LRCH2: variants seen among roughly 807,000 people sequenced by gnomAD.
The protein encoded by LRCH2 is leucine rich repeats and calponin homology domain containing 2.
LRCH2 carries 38 observed loss-of-function variants against 68.9 expected under a neutral mutation model. The ratio of observed to expected loss-of-function variants is 0.55; its 90% CI spans 0.43 to 0.72. The LOEUF is 0.72. Ranked by LOEUF, LRCH2 falls within the 30% of genes least tolerant of loss-of-function variation. The pLI is 0.00. For missense variants in LRCH2, 528 were observed against 572.9 expected (o/e 0.92, Z 0.80); for synonymous variants, 191 against 208.1 (o/e 0.92, Z 0.71).
intron 14 of LRCH2, among the ~76,000 whole-genome samples, chrX:115,139,958 G>A (rs1265385815): frequency 1.8e-5 from 2 of 111,416 alleles, no homozygotes; most frequent in East Asian, 5.7e-4. Context: ...GCAACTCCTA[G>A]TGCTGTGCTA....
chrX:115,192,462 G>A, intron 1 of LRCH2: 11 of 1,169,946 alleles, frequency 9.4e-6, no homozygotes, highest in Non-Finnish European at 1.3e-5. Flanking sequence ...GTTACGGCCG[G>A]AGCGACCGCT....
chrX:115,170,237 G>A (rs985132864), intron 6 of LRCH2, 62 bp downstream of exon 6: 205 of 1,040,261 alleles, frequency 2.0e-4, no homozygotes, highest in South Asian at 7.8e-4. Flanking sequence ...AGATTAATAA[G>A]TATATTTCAT....
At chrX:115,141,738 G>A (rs1461041771) in intron 14 of LRCH2, among the ~76,000 whole-genome samples, 1 of 108,627 alleles carries the variant, frequency 9.2e-6, no homozygotes, top group Non-Finnish European at 1.9e-5. Context: ...GCTGGGCATG[G>A]TGGTACATGC....
intron 5 of LRCH2, among the ~76,000 whole-genome samples, chrX:115,173,101 T>C (rs1304884341): frequency 1.4e-4 from 16 of 111,530 alleles, no homozygotes; most frequent in Non-Finnish European, 2.3e-4. Flanking sequence ...CTCCTATGAA[T>C]ATGCTCCATT....
At position 115,163,683 on chromosome X, in the gene LRCH2, T is replaced by G. The variant is rs1315645277; in HGVS notation, c.1456A>C (p.Lys486Gln). The G allele has an allele frequency of 2.5e-6, 3 of 1,184,122 alleles. No homozygotes were observed. The highest frequency in any genetic ancestry group is 3.4e-6 in the Non-Finnish European group (3 of 878,036). ...IAAQLLQQEQ[K>Q]NRILNHSTSV... is the part of the protein sequence containing the mutation. Reference sequence around the variant, plus strand: ...CATTACTGAAAGGAATACCTGTTCTTCTGTTCTTGCTGCAATAACTGAGCA... The same window carrying G: ...CATTACTGAAAGGAATACCTGTTCTGCTGTTCTTGCTGCAATAACTGAGCA... Residue 486 changes from lysine to glutamine, a missense_variant, in exon 11 of 21, where the codon AAG (lysine) becomes CAG (glutamine). Transcript: ENST00000317135.
At chrX:115,192,048 C>A in intron 1 of LRCH2, 1 of 1,156,699 alleles carries the variant, frequency 8.6e-7, no homozygotes, top group Non-Finnish European at 1.2e-6. Context: ...GCCGCTCGCA[C>A]GACACCCACA....
rs185880098 is a variant in LRCH2, at chrX:115,146,233, T to C, written c.1695+3594A>G. Among the ~76,000 whole-genome samples the C allele has an allele frequency of 1.6e-3, 178 of 110,896 alleles. 2 individuals are homozygous for C. The highest frequency in any genetic ancestry group is 3.6e-3 in the Admixed American group (37 of 10,343). On this transcript the variant is annotated intron_variant, in intron 14 of 20. Coordinates refer to ENST00000317135, the MANE Select transcript of LRCH2 (RefSeq NM_020871.4). Reference sequence around the variant, plus strand: ...ACTTATTTGTAGGATGTAAAAACAATTGAACTCATAAAGATAGAGAGTAGA... The same window carrying C: ...ACTTATTTGTAGGATGTAAAAACAACTGAACTCATAAAGATAGAGAGTAGA...
intron 1 of LRCH2, among the ~76,000 whole-genome samples, chrX:115,196,208 T>A (rs1017391623): frequency 9.0e-6 from 1 of 111,323 alleles, no homozygotes; most frequent in Non-Finnish European, 1.9e-5. Context: ...CTGGCTTCTA[T>A]GGCTCATGGC....
At chrX:115,225,320 T>C (rs2073111671) in intron 1 of LRCH2, among the ~76,000 whole-genome samples, 2 of 111,178 alleles carry the variant, frequency 1.8e-5, no homozygotes, top group South Asian at 7.7e-4. Context: ...AGTGCAAAAC[T>C]TCTGCTTCTG....
intron 14 of LRCH2, among the ~76,000 whole-genome samples, chrX:115,135,179 T>TGTCGTG (rs1299896260): frequency 2.4e-4 from 25 of 103,758 alleles, no homozygotes; most frequent in African/African-American, 8.5e-4. Flanking sequence ...TGGAGTGCAG[T>TGTCGTG]GTCGTGATCT....
chrX:115,220,591 A>G (rs1462938040), intron 1 of LRCH2, among the ~76,000 whole-genome samples: 1 of 111,746 alleles, frequency 8.9e-6, no homozygotes, highest in African/African-American at 3.3e-5. Flanking sequence ...AAGACATGCT[A>G]AAACACAATT....
chrX:115,147,855 CA>C (rs1485230323), intron 14 of LRCH2, among the ~76,000 whole-genome samples: 1 of 110,287 alleles, frequency 9.1e-6, no homozygotes, highest in Non-Finnish European at 1.9e-5. Context: ...AATTTGAGAC[CA>C]GCCTGGGCAA....
chrX:115,222,609 C>A (rs2073092651), intron 1 of LRCH2, among the ~76,000 whole-genome samples: 2 of 111,698 alleles, frequency 1.8e-5, no homozygotes, highest in African/African-American at 6.5e-5. Flanking sequence ...AATGAACAAT[C>A]CAAAAACTAA....
intron 15 of LRCH2, among the ~76,000 whole-genome samples, chrX:115,128,092 G>A (rs987137894): frequency 9.8e-5 from 11 of 112,121 alleles, no homozygotes; most frequent in African/African-American, 3.6e-4. Context: ...AGAAATGGAC[G>A]AGGGCCTCTG....
At chrX:115,197,975 G>C (rs1556564359) in intron 1 of LRCH2, among the ~76,000 whole-genome samples, 1 of 101,029 alleles carries the variant, frequency 9.9e-6, no homozygotes, top group Non-Finnish European at 2.0e-5. Flanking sequence ...TTGAAGACAG[G>C]TCTTTTGAAA....
chrX:115,127,165 T>C (rs1417291720), intron 15 of LRCH2, among the ~76,000 whole-genome samples: 6 of 111,104 alleles, frequency 5.4e-5, no homozygotes, highest in Non-Finnish European at 1.1e-4. Context: ...GTTCGAAATA[T>C]AGTAAAGTTT....
chrX:115,221,028 T>A (rs1274399689), intron 1 of LRCH2, among the ~76,000 whole-genome samples: 6 of 105,638 alleles, frequency 5.7e-5, no homozygotes, highest in African/African-American at 2.1e-4. Flanking sequence ...ACAAAAAAAA[T>A]TAGCTGGGCG....
chrX:115,173,996 C>G (rs2072625348), intron 5 of LRCH2, among the ~76,000 whole-genome samples: 1 of 111,903 alleles, frequency 8.9e-6, no homozygotes, highest in South Asian at 3.7e-4. Context: ...ATGTGTTAGT[C>G]AACTGTTTGT....
At chrX:115,130,458 T>C (rs1355624552) in intron 14 of LRCH2, among the ~76,000 whole-genome samples, 1 of 111,926 alleles carries the variant, frequency 8.9e-6, no homozygotes, top group Non-Finnish European at 1.9e-5. Context: ...TTCCCATTCA[T>C]TCAGGTGTGC....
Sources: allele counts gnomAD v4.1 joint callset (sites outside exome capture counted in the v4.1 genomes callset), GRCh38; gene constraint gnomAD v4.1.1; transcripts MANE v1.5; gene names NCBI Gene and HGNC (gene_info 2026-07-23, HGNC 2026-07-21).